The following GLMN variants were observed in gnomAD, a reference collection of about 807,000 sequenced individuals.
GLMN encodes glomulin.
Under a neutral mutation model 87.8 loss-of-function variants are expected in GLMN, and 75 were observed. The observed-to-expected ratio is 0.85, with a 90% CI of 0.71 to 1.04. The LOEUF is 1.04. Ranked by LOEUF, GLMN falls within the 50% of genes least tolerant of loss-of-function variation. GLMN has a pLI of 0.00. For synonymous variants in GLMN, 206 were observed against 221.6 expected (o/e 0.93, Z 0.63); for missense variants, 588 against 658.8 (o/e 0.89, Z 1.18).
At chr1:92,266,776 C>T (rs764995587) in intron 11 of GLMN, 35 bp from the exon 12 acceptor site, 2 of 1,391,410 alleles carry the variant, frequency 1.4e-6, no homozygotes, top group Non-Finnish European at 2.0e-6. Flanking sequence ...CAGATGTAAA[C>T]AGATTATACT....
chr1:92,309,477 A>G, the GLMN span, among the ~76,000 whole-genome samples: 1 of 152,168 alleles, frequency 6.6e-6, no homozygotes, highest in African/African-American at 2.4e-5. Context: ...TCTAATCTAA[A>G]TGAATCAACT....
At chr1:92,336,470 T>A in the GLMN span, 58 of 1,343,924 alleles carry the variant, frequency 4.3e-5, 1 homozygote, top group East Asian at 1.3e-3. Flanking sequence ...TTATTTTGAC[T>A]TTATTTATTG....
At chr1:92,281,639 T>G (rs1036743178) in intron 7 of GLMN, among the ~76,000 whole-genome samples, 1 of 152,146 alleles carries the variant, frequency 6.6e-6, no homozygotes, top group Non-Finnish European at 1.5e-5. Context: ...TAAATGTAAA[T>G]GGGCTAAATG....
At chr1:92,342,387 G>C in the GLMN span, among the ~76,000 whole-genome samples, 2 of 152,230 alleles carry the variant, frequency 1.3e-5, no homozygotes, top group African/African-American at 4.8e-5. Flanking sequence ...GCAGAGGCAA[G>C]AGTAGAGAGA....
chr1:92,367,700 A>C, the GLMN span, among the ~76,000 whole-genome samples: 1 of 152,142 alleles, frequency 6.6e-6, no homozygotes. Context: ...GTGGCCTTTC[A>C]CTTCCTGTCC....
the GLMN span, among the ~76,000 whole-genome samples, chr1:92,320,234 T>C: frequency 2.0e-5 from 3 of 152,036 alleles, no homozygotes; most frequent in Non-Finnish European, 4.4e-5. Context: ...CTAATCCAGA[T>C]TTCTTGTTGA....
intron 6 of GLMN, among the ~76,000 whole-genome samples, chr1:92,287,459 G>A (rs1229462795): frequency 6.6e-6 from 1 of 152,006 alleles, no homozygotes; most frequent in Admixed American, 6.6e-5. Context: ...TCCTGCCACA[G>A]CCTCCCAAGT....
rs142642620 is a variant in GLMN, at chr1:92,269,714, C to T, written c.977+9G>A. ...ATTTCATTTTGAGATACCATCTAAA[C>T]GATCTTACCTTTGCAAAAAGACTTC... On this transcript the variant is annotated intron_variant, in intron 9 of 18. Transcript: ENST00000370360. 5.7e-4 allele frequency: 912 copies of T among 1,591,340 alleles called. 11 individuals carry two copies. The East Asian group carries it at 0.014, about 24-fold the overall frequency.
chr1:92,276,499 C>G (rs921793603), intron 7 of GLMN, among the ~76,000 whole-genome samples: 4 of 151,876 alleles, frequency 2.6e-5, no homozygotes, highest in African/African-American at 9.7e-5. Flanking sequence ...CCATCTCTAC[C>G]CAAAATACAA....
chr1:92,343,155 G>A, the GLMN span, among the ~76,000 whole-genome samples: 2 of 152,188 alleles, frequency 1.3e-5, no homozygotes, highest in African/African-American at 4.8e-5. Context: ...TCCAAGGAGA[G>A]TGCTCATGAG....
the GLMN span, chr1:92,324,246 C>T: frequency 1.2e-6 from 2 of 1,613,962 alleles, no homozygotes; most frequent in Admixed American, 1.7e-5. Flanking sequence ...CAGGTACAGC[C>T]ATTAAACCAC....
intron 5 of GLMN, 30 bp from the exon 6 acceptor site, chr1:92,289,181 A>C (rs762739931): frequency 3.2e-6 from 4 of 1,250,674 alleles, no homozygotes; most frequent in Non-Finnish European, 4.7e-6. Flanking sequence ...GTCGCTCATC[A>C]AGTATGCTAA....
the GLMN span, among the ~76,000 whole-genome samples, chr1:92,309,562 C>CACATATACATAT: frequency 5.0e-5 from 1 of 20,102 alleles, no homozygotes; most frequent in Non-Finnish European, 9.4e-5. Context: ...CATACACATA[C>CACATATACATAT]ACATACACAT....
chr1:92,345,362 G>A, the GLMN span, among the ~76,000 whole-genome samples: 1 of 114,186 alleles, frequency 8.8e-6, no homozygotes, highest in Non-Finnish European at 1.7e-5. Flanking sequence ...AGGCAACATA[G>A]CAAGACCCCG....
chr1:92,253,634 G>A (rs1653826129), intron 16 of GLMN, among the ~76,000 whole-genome samples: 1 of 152,204 alleles, frequency 6.6e-6, no homozygotes, highest in Non-Finnish European at 1.5e-5. Context: ...AACAGGGTCT[G>A]GAGTGGACCC....
chr1:92,275,587 A>G (rs762189820), intron 7 of GLMN, among the ~76,000 whole-genome samples: 5 of 152,200 alleles, frequency 3.3e-5, no homozygotes, highest in Non-Finnish European at 7.3e-5. Context: ...CCTCTTTTAA[A>G]GAATAGCTTA....
At chr1:92,328,944 C>T in the GLMN span, among the ~76,000 whole-genome samples, 682 of 152,264 alleles carry the variant, frequency 4.5e-3, 3 homozygotes, top group African/African-American at 0.016. Context: ...GCAGAGCTAC[C>T]AGGCTTCTGG....
chr1:92,300,581 T>C (rs886942916), upstream of GLMN, among the ~76,000 whole-genome samples: 2 of 152,356 alleles, frequency 1.3e-5, no homozygotes, highest in Non-Finnish European at 2.9e-5. Context: ...ACCTTTTCTG[T>C]TCTTTGTTAC....
upstream of GLMN, chr1:92,303,908 G>A: frequency 9.8e-7 from 1 of 1,024,434 alleles, no homozygotes; most frequent in Non-Finnish European, 1.5e-6. Flanking sequence ...AGATTGATGA[G>A]GCTTAGAGAG....
Sources: allele counts gnomAD v4.1 joint callset (sites outside exome capture counted in the v4.1 genomes callset), GRCh38; gene constraint gnomAD v4.1.1; transcripts MANE v1.5; gene names NCBI Gene and HGNC (gene_info 2026-07-23, HGNC 2026-07-21).